The following NRXN1 variants were observed in gnomAD, a reference collection of about 807,000 sequenced individuals.
NRXN1 encodes neurexin 1, also known as neurexin-1.
In NRXN1, 39 loss-of-function variants were observed where a neutral mutation model predicts 150.9. The ratio of observed to expected loss-of-function variants is 0.26; its 90% confidence interval spans 0.20 to 0.34. NRXN1 has a LOEUF of 0.34. Ranked by LOEUF, NRXN1 falls within the 10% of genes least tolerant of loss-of-function variation. The pLI is 1.00. For synonymous variants in NRXN1, 924 were observed against 757.0 expected, an observed-to-expected ratio of 1.22 and a Z score of -3.62; for missense variants, 1,815 against 1,949.9, an observed-to-expected ratio of 0.93 and a Z score of 1.30.
At chr2:50,648,210 C>T (rs1685102616) in intron 5 of NRXN1, among the ~76,000 whole-genome samples, 1 of 151,794 alleles carries the variant, frequency 6.6e-6, no homozygotes. Context: ...AAGGCAAAAC[C>T]TCCCACAGAG....
chr2:50,293,960 A>G (rs2073256060), intron 17 of NRXN1, among the ~76,000 whole-genome samples: 1 of 152,228 alleles, frequency 6.6e-6, no homozygotes, highest in Non-Finnish European at 1.5e-5. Flanking sequence ...CTGTATTCAC[A>G]GAAATGAAAG....
At chr2:50,112,499 A>G (rs538591308) in intron 18 of NRXN1, among the ~76,000 whole-genome samples, 1 of 152,316 alleles carries the variant, frequency 6.6e-6, no homozygotes, top group African/African-American at 2.4e-5. Context: ...GTCCACATTT[A>G]CTGGCTCAGT....
chr2:50,566,426 T>TC, intron 8 of NRXN1, among the ~76,000 whole-genome samples: 1 of 147,068 alleles, frequency 6.8e-6, no homozygotes, highest in African/African-American at 2.5e-5. Context: ...TTTTTTTTTT[T>TC]GTATTTTTAA....
At chr2:50,843,076 T>C (rs1006772443) in intron 5 of NRXN1, among the ~76,000 whole-genome samples, 1 of 151,992 alleles carries the variant, frequency 6.6e-6, no homozygotes, top group Non-Finnish European at 1.5e-5. Context: ...AATAAACAGA[T>C]CTGTGAGCGA....
intron 5 of NRXN1, among the ~76,000 whole-genome samples, chr2:50,832,110 A>C (rs1671490734): frequency 6.6e-6 from 1 of 152,230 alleles, no homozygotes; most frequent in South Asian, 2.1e-4. Flanking sequence ...AGAATCGAGA[A>C]AATCAATGCC....
At chr2:50,945,036 C>T (rs930428681) in intron 2 of NRXN1, among the ~76,000 whole-genome samples, 2 of 152,162 alleles carry the variant, frequency 1.3e-5, no homozygotes, top group Non-Finnish European at 2.9e-5. Flanking sequence ...GTCTCTACTT[C>T]AGACCATGAT....
intron 2 of NRXN1, among the ~76,000 whole-genome samples, chr2:50,928,213 T>C (rs985990938): frequency 6.6e-5 from 10 of 151,444 alleles, no homozygotes; most frequent in African/African-American, 2.4e-4. Flanking sequence ...AATTTAGATT[T>C]AGAAAAAAAA....
At chr2:50,352,075 G>T (rs1177251590) in intron 17 of NRXN1, among the ~76,000 whole-genome samples, 2 of 152,116 alleles carry the variant, frequency 1.3e-5, no homozygotes, top group African/African-American at 2.4e-5. Flanking sequence ...CTACCTAAAA[G>T]AACCTAAGGA....
chr2:50,042,638 A>T (rs1691175030), intron 21 of NRXN1, among the ~76,000 whole-genome samples: 1 of 152,046 alleles, frequency 6.6e-6, no homozygotes, highest in East Asian at 1.9e-4. Flanking sequence ...TTCAAAAACC[A>T]CTTACTAAGT....
At chr2:50,503,768 A>G (rs2104973770) in intron 13 of NRXN1, among the ~76,000 whole-genome samples, 1 of 152,264 alleles carries the variant, frequency 6.6e-6, no homozygotes, top group East Asian at 1.9e-4. Context: ...GAGTTACAGG[A>G]TATTTACATG....
intron 17 of NRXN1, among the ~76,000 whole-genome samples, chr2:50,408,270 G>C (rs1029439070): frequency 7.2e-5 from 11 of 152,300 alleles, no homozygotes; most frequent in Non-Finnish European, 1.3e-4. Context: ...GTAGTAATGA[G>C]AGTCTGGTTA....
intron 5 of NRXN1, among the ~76,000 whole-genome samples, chr2:50,665,140 T>A (rs987619570): frequency 1.3e-5 from 2 of 151,938 alleles, no homozygotes; most frequent in East Asian, 3.9e-4. Context: ...ATTAAAGAAT[T>A]TGTGTGACCT....
chr2:50,014,118 G>A (rs184292715), intron 21 of NRXN1, among the ~76,000 whole-genome samples: 37 of 148,610 alleles, frequency 2.5e-4, no homozygotes, highest in Non-Finnish European at 4.4e-4. Context: ...TTTTGTTTTT[G>A]TTTTTAGAAA....
intron 5 of NRXN1, among the ~76,000 whole-genome samples, chr2:50,718,388 A>G (rs1696151849): frequency 6.6e-6 from 1 of 152,180 alleles, no homozygotes; most frequent in Admixed American, 6.5e-5. Context: ...AAGGGAAGGC[A>G]TGTTTGCAGA....
At chr2:50,066,722 A>T (rs10187516) in intron 19 of NRXN1, among the ~76,000 whole-genome samples, 90,695 of 151,998 alleles carry the variant, frequency 0.6, 27,464 homozygotes, top group Middle Eastern at 0.67. Context: ...AAAAACTCTC[A>T]TAAAACTACT....
chr2:50,842,249 G>C (rs1672986444), intron 5 of NRXN1, among the ~76,000 whole-genome samples: 1 of 152,132 alleles, frequency 6.6e-6, no homozygotes, highest in South Asian at 2.1e-4. Context: ...ACTATTTAAG[G>C]TCTGATTTAG....
In NRXN1 at chr2:50,316,523, C is replaced by T. The variant is rs1315796385; in HGVS notation, c.3365-79553G>A. On this transcript the variant is annotated intron_variant, in intron 17 of 22. Coordinates refer to ENST00000401669, the MANE Select transcript of NRXN1 (RefSeq NM_001330078.2). ...AAGAATCACATTAAATTGGATTAAGCAATCTGTGAGAATCTCCTTAGGATA... is the reference window on the plus strand; with the variant it reads ...AAGAATCACATTAAATTGGATTAAGTAATCTGTGAGAATCTCCTTAGGATA... 2.6e-5 allele frequency among the ~76,000 whole-genome samples: 4 copies of T among 152,050 alleles called. No individual in the cohort carries two copies. The East Asian group carries it at 7.8e-4, about 30-fold the overall frequency.
chr2:50,569,730 A>G (rs1670381555), intron 8 of NRXN1, among the ~76,000 whole-genome samples: 1 of 152,146 alleles, frequency 6.6e-6, no homozygotes, highest in Non-Finnish European at 1.5e-5. Context: ...TCTGCAGCTC[A>G]CAGGCATTGA....
At chr2:50,520,912 C>G (rs1237052347) in intron 12 of NRXN1, among the ~76,000 whole-genome samples, 1 of 151,928 alleles carries the variant, frequency 6.6e-6, no homozygotes, top group Non-Finnish European at 1.5e-5. Context: ...ACTTATAATT[C>G]ATGAAAAATC....
Sources: allele counts gnomAD v4.1 joint callset (sites outside exome capture counted in the v4.1 genomes callset), GRCh38; gene constraint gnomAD v4.1.1; transcripts MANE v1.5; gene names NCBI Gene and HGNC (gene_info 2026-07-23, HGNC 2026-07-21).